ARID4B: variants seen among roughly 807,000 people sequenced by gnomAD.
ARID4B encodes the protein AT-rich interaction domain 4B, also known as AT-rich interactive domain-containing protein 4B.
In ARID4B, 26 loss-of-function variants were observed where a neutral mutation model predicts 147.5. The observed-to-expected ratio is 0.18, with a 90% CI of 0.13 to 0.24. The LOEUF is 0.24. Among genes scored for constraint, ARID4B ranks in the 10% least tolerant of loss-of-function variants. The probability of loss-of-function intolerance (pLI) is 1.00; values close to 1 mark genes in which losing one functional copy is unlikely to be tolerated. For missense variants in ARID4B, 1,179 were observed against 1,511.5 expected, an observed-to-expected ratio of 0.78 and a Z score of 3.65; for synonymous variants, 512 against 507.9, an observed-to-expected ratio of 1.01 and a Z score of -0.11.
rs199685685 is a variant in ARID4B at position 235,234,450 on chromosome 1, C to T, written c.628G>A (p.Asp210Asn). Residue 210 changes from aspartate to asparagine, a missense_variant, in exon 9 of 24, where the codon GAC becomes AAC. By Grantham distance (23) the Asp-to-Asn change is conservative. Coordinates refer to ENST00000264183, the MANE Select transcript of ARID4B (RefSeq NM_016374.6). Reference sequence around the variant, plus strand: ...TTGAAAGATCGAACAAGAATATTGTCCTTTTTTACAGCAATCTCATCACTA... The same window carrying T: ...TTGAAAGATCGAACAAGAATATTGTTCTTTTTTACAGCAATCTCATCACTA... Reference protein sequence around the residue: ...DCSDEIAVKKDNILVRSFKDG... With the variant: ...DCSDEIAVKKNNILVRSFKDG... The T allele has an allele frequency of 2.5e-6, 4 of 1,607,604 alleles. No individual in the cohort carries two copies. The highest frequency in any genetic ancestry group is 1.7e-6 in the Non-Finnish European group (2 of 1,175,618).
At position 235,177,939 on chromosome 1, in the gene ARID4B, C is replaced by T. The variant is rs769149558; in HGVS notation, c.3335-26G>A. The T allele has an allele frequency of 3.6e-6, 5 of 1,376,714 alleles. No homozygotes were observed. In the African/African-American group the frequency reaches 7.3e-5, roughly 20 times the overall value. 85.3% of individuals were successfully genotyped at this position (1,376,714 alleles called of 1,614,324 possible). ...CTATGAAGGGAAAGGAATTAAGTAA[C>T]ACAAAATAAAATCCAACATTCCCTA... On this transcript the variant is annotated intron_variant, in intron 20 of 23. Coordinates refer to ENST00000264183, the MANE Select transcript of ARID4B (RefSeq NM_016374.6).
At chr1:235,260,812 C>T (rs1670246291) in intron 2 of ARID4B, 60 bp from the exon 3 acceptor site, 4 of 1,205,004 alleles carry the variant, frequency 3.3e-6, no homozygotes, top group Non-Finnish European at 4.7e-6. Context: ...CATAATCAGA[C>T]CTCAGAATAG....
chr1:235,295,171 TATA>T (rs1260549329), intron 2 of ARID4B, among the ~76,000 whole-genome samples: 6 of 152,136 alleles, frequency 3.9e-5, no homozygotes, highest in African/African-American at 1.2e-4. Flanking sequence ...ATATGTATAA[TATA>T]ATGTTAATGT....
intron 2 of ARID4B, among the ~76,000 whole-genome samples, chr1:235,263,550 TC>T (rs1429855288): frequency 1.3e-5 from 2 of 152,142 alleles, no homozygotes; most frequent in Admixed American, 1.3e-4. Flanking sequence ...AATATAAAAA[TC>T]CGTGTTGACG....
At chr1:235,197,753 G>A (rs1665601697) in intron 17 of ARID4B, among the ~76,000 whole-genome samples, 1 of 152,072 alleles carries the variant, frequency 6.6e-6, no homozygotes, top group African/African-American at 2.4e-5. Context: ...GAAATATATG[G>A]TAAGTACTGG....
intron 19 of ARID4B, among the ~76,000 whole-genome samples, chr1:235,193,624 A>G (rs554689542): frequency 6.5e-4 from 99 of 152,356 alleles, no homozygotes; most frequent in Non-Finnish European, 1.2e-3. Context: ...TCTACTAGTA[A>G]TAAAAAATTT....
chr1:235,226,743 C>T (rs1269778164), intron 11 of ARID4B, among the ~76,000 whole-genome samples: 2 of 152,142 alleles, frequency 1.3e-5, no homozygotes, highest in Non-Finnish European at 2.9e-5. Context: ...AGGATGGTCT[C>T]GATCTCCTGA....
intron 21 of ARID4B, among the ~76,000 whole-genome samples, chr1:235,176,437 C>CAAAAAAAAAAAAAAAAAAAAAAA (rs34808765): frequency 2.2e-4 from 5 of 22,530 alleles, no homozygotes; most frequent in African/African-American, 5.0e-4. Context: ...ACAACATCAC[C>CAAAAAAAAAAAAAAAAAAAAAAA]AAAAAAAAAA....
chr1:235,296,874 T>C (rs1248511274), intron 2 of ARID4B, among the ~76,000 whole-genome samples: 1 of 46,972 alleles, frequency 2.1e-5, no homozygotes, highest in Non-Finnish European at 4.8e-5. Flanking sequence ...AGAGAGTACT[T>C]CCTGTATCTA....
intron 20 of ARID4B, 95 bp from the exon 21 acceptor site, chr1:235,178,008 A>C: frequency 1.6e-6 from 1 of 629,578 alleles, no homozygotes; most frequent in Non-Finnish European, 2.6e-6. Flanking sequence ...AACAATCCAA[A>C]ACTACATGTT....
At chr1:235,326,826 T>G in intron 2 of ARID4B, 88 bp downstream of exon 2, 1 of 1,528,834 alleles carries the variant, frequency 6.5e-7, no homozygotes, top group Non-Finnish European at 9.1e-7. Flanking sequence ...TCTGCAAAAC[T>G]CGGAAGCCCC....
At chr1:235,230,181 C>G (rs1668107735) in intron 10 of ARID4B, among the ~76,000 whole-genome samples, 2 of 152,156 alleles carry the variant, frequency 1.3e-5, no homozygotes, top group Admixed American at 1.3e-4. Flanking sequence ...CTTAGGAGGC[C>G]AAGGCGGGTG....
intron 9 of ARID4B, among the ~76,000 whole-genome samples, chr1:235,234,029 A>C (rs1367895403): frequency 6.6e-6 from 1 of 152,148 alleles, no homozygotes; most frequent in Non-Finnish European, 1.5e-5. Context: ...CAGTGAGCCG[A>C]AACTGCACCA....
intron 17 of ARID4B, among the ~76,000 whole-genome samples, chr1:235,204,081 T>TGGGA (rs900520512): frequency 2.4e-4 from 36 of 152,272 alleles, no homozygotes; most frequent in African/African-American, 8.2e-4. Flanking sequence ...ACTAACATTT[T>TGGGA]GGGAGGCCAA....
At position 235,198,049 on chromosome 1, in the gene ARID4B, AAAG is replaced by A. The variant is rs543367538; in HGVS notation, c.1842-1937_1842-1935del. On this transcript the variant is annotated intron_variant, in intron 17 of 23. Transcript: ENST00000264183. ...AGTTGCTCTATTAGAAGAGTTATGG[AAAG>A]AAGAAGTCAAGATATCAACTTTGTT... Among the ~76,000 whole-genome samples the A allele has an allele frequency of 2.2e-3, 341 of 152,352 alleles. 2 individuals are homozygous for A. The highest frequency in any genetic ancestry group is 7.8e-3 in the African/African-American group (325 of 41,588).
Position 235,230,594 on chromosome 1 carries a change from T to TAAAAAAAAAAAAAAAAAA in ARID4B, c.742+501_742+518dup, listed in dbSNP as rs1175996354. 6.9e-4 allele frequency among the ~76,000 whole-genome samples: 40 copies of TAAAAAAAAAAAAAAAAAA among 58,378 alleles called. 1 individual carries two copies. The highest frequency in any genetic ancestry group is 2.4e-3 in the African/African-American group (36 of 14,990). The allele number at this position is 58,378 out of a possible 152,430, so 38.3% of individuals were successfully genotyped here. On this transcript the variant is annotated intron_variant, in intron 10 of 23. Coordinates refer to ENST00000264183, the MANE Select transcript of ARID4B (RefSeq NM_016374.6). ...TAGATTATTATGCCTGACTATAAGC[T>TAAAAAAAAAAAAAAAAAA]AAAAAAAAAAAAAAAAAAAAAACCA...
intron 2 of ARID4B, among the ~76,000 whole-genome samples, chr1:235,302,264 A>AAGCG (rs1553315493): frequency 1.9e-5 from 2 of 106,570 alleles, no homozygotes; most frequent in African/African-American, 7.2e-5. Context: ...GGGAAGTGTA[A>AAGCG]AGGGAGGGAG....
intron 2 of ARID4B, among the ~76,000 whole-genome samples, chr1:235,288,094 G>A (rs1253128299): frequency 6.6e-6 from 1 of 152,206 alleles, no homozygotes; most frequent in East Asian, 1.9e-4. Flanking sequence ...ATCACCTGAA[G>A]TCAGGAATTT....
chr1:235,286,459 A>G (rs1671979957), intron 2 of ARID4B, among the ~76,000 whole-genome samples: 2 of 152,220 alleles, frequency 1.3e-5, no homozygotes, highest in African/African-American at 2.4e-5. Flanking sequence ...CAGTTAAGTT[A>G]CCATATGAAG....
Sources: allele counts gnomAD v4.1 joint callset (sites outside exome capture counted in the v4.1 genomes callset), GRCh38; gene constraint gnomAD v4.1.1; transcripts MANE v1.5; gene names NCBI Gene and HGNC (gene_info 2026-07-23, HGNC 2026-07-21).